COX4I1: variants seen among roughly 807,000 people sequenced by gnomAD.
COX4I1 encodes the protein cytochrome c oxidase subunit 4 isoform 1, mitochondrial.
COX4I1 carries 18 observed loss-of-function variants against 21.7 expected under a neutral mutation model. The ratio of observed to expected loss-of-function variants is 0.83; its 90% CI spans 0.57 to 1.23. COX4I1 has a LOEUF of 1.23. Among genes scored for constraint, COX4I1 ranks in the 50% most tolerant of loss-of-function variants. The pLI is 0.00. For missense variants in COX4I1, 238 were observed against 220.7 expected (o/e 1.08, Z -0.50); for synonymous variants, 100 against 81.5 (o/e 1.23, Z -1.23).
rs571211362 is a variant in COX4I1 at position 85,806,400 on chromosome 16, T to G, written c.374-338T>G. On this transcript the variant is annotated intron_variant, in intron 4 of 4. Coordinates refer to ENST00000253452, the MANE Select transcript of COX4I1 (RefSeq NM_001861.6). ...TCTGAATAGGTATATTCTCGTACTT[T>G]TGGTTTGAATGTGGATGTGGGTTAA... The G allele has an allele frequency of 1.7e-4, 112 of 669,800 alleles. 1 individual carries two copies. The highest frequency in any genetic ancestry group is 1.6e-3 in the South Asian group (102 of 65,164). The allele number at this position is 669,800 out of a possible 1,614,324, so 41.5% of individuals were successfully genotyped here.
chr16:85,802,867 T>C (rs1905880502), intron 2 of COX4I1, among the ~76,000 whole-genome samples: 1 of 152,212 alleles, frequency 6.6e-6, no homozygotes, highest in Admixed American at 6.5e-5. Flanking sequence ...GAAGATGCAA[T>C]TTTGAGGTTT....
At chr16:85,802,589 G>A (rs1290785833) in intron 2 of COX4I1, among the ~76,000 whole-genome samples, 5 of 152,194 alleles carry the variant, frequency 3.3e-5, no homozygotes, top group African/African-American at 7.2e-5. Context: ...ACCATCAGCC[G>A]TCACTGAAGT....
At chr16:85,806,618 T>C in intron 4 of COX4I1, 120 bp from the exon 5 acceptor site, 1 of 1,427,040 alleles carries the variant, frequency 7.0e-7, no homozygotes, top group Admixed American at 1.7e-5. Flanking sequence ...GGGTGTTGAG[T>C]GGCAGGTGGC....
chr16:85,805,264 G>A (rs1906101651), intron 3 of COX4I1, 160 bp downstream of exon 3: 13 of 663,874 alleles, frequency 2.0e-5, no homozygotes, highest in Non-Finnish European at 3.0e-5. Context: ...CCCAGTTTAT[G>A]TGCTCACCAG....
chr16:85,804,792 CTGTTTA>C, intron 2 of COX4I1, 139 bp from the exon 3 acceptor site: 2 of 679,128 alleles, frequency 2.9e-6, no homozygotes, highest in Non-Finnish European at 4.8e-6. Context: ...ACTCCTGCAA[CTGTTTA>C]AACAGTGGCT....
Position 85,805,721 on chromosome 16 carries a change from C to T in COX4I1, c.242-12C>T, listed in dbSNP as rs1250476321. On this transcript the variant is annotated splice_polypyrimidine_tract_variant and intron_variant, in intron 3 of 4. Coordinates refer to ENST00000253452, the MANE Select transcript of COX4I1 (RefSeq NM_001861.6). ...CTTTGTGCCTGTAAATGGCTGTCCT[C>T]TCTGCCCCCAGTGTATCGCATTAAG... is the stretch of plus-strand genomic sequence containing the variant. The T allele has an allele frequency of 1.9e-6, 3 of 1,613,960 alleles. No individual in the cohort carries two copies. The African/African-American group carries it at 4.0e-5, about 22-fold the overall frequency.
intron 1 of COX4I1, among the ~76,000 whole-genome samples, chr16:85,800,830 G>A (rs775677577): frequency 2.0e-5 from 3 of 152,104 alleles, no homozygotes; most frequent in East Asian, 1.9e-4. Flanking sequence ...CACCATGTTG[G>A]CCAGGCTGGT....
chr16:85,805,668 G>T, intron 3 of COX4I1, 65 bp from the exon 4 acceptor site: 2 of 1,600,328 alleles, frequency 1.2e-6, no homozygotes, highest in South Asian at 2.2e-5. Flanking sequence ...AGAAGTGGTT[G>T]AATGTTGCAG....
Position 85,799,778 on chromosome 16 carries a change from C to T in COX4I1, c.-2+26C>T. On this transcript the variant is annotated intron_variant, in intron 1 of 4. Transcript: ENST00000253452. This position sits in a 1 kb window ranked among gnomAD's most constrained non-coding sequence, Gnocchi z 4.2. ...GTGAGACAGGAGGTGGCCGGTGCGG[C>T]GCCGCCAGGCCGGGCCGGGTCGGGG... is the stretch of plus-strand genomic sequence containing the variant. 1 of 153,768 alleles carries T rather than the reference C, an allele frequency of 6.5e-6. No homozygotes were observed. Among genetic ancestry groups the T allele is most frequent in the Non-Finnish European group, 1.4e-5 (1 of 69,308 alleles). The allele number at this position is 153,768 out of a possible 1,614,324, so 9.5% of individuals were successfully genotyped here.
At chr16:85,801,495 C>G (rs1489258084) in intron 2 of COX4I1, among the ~76,000 whole-genome samples, 1 of 152,018 alleles carries the variant, frequency 6.6e-6, no homozygotes, top group Non-Finnish European at 1.5e-5. Flanking sequence ...CTGATACTTC[C>G]CCACTTACCC....
chr16:85,800,226 C>T (rs1032414486), intron 1 of COX4I1, among the ~76,000 whole-genome samples: 8 of 152,284 alleles, frequency 5.3e-5, no homozygotes, highest in African/African-American at 1.7e-4. Context: ...CGCGGGCGTT[C>T]AGCCCTGACG....
intron 2 of COX4I1, chr16:85,804,509 G>A (rs2733963): frequency 0.98 from 152,902 of 156,760 alleles, 74,677 homozygotes; most frequent in Middle Eastern, 1. Context: ...GGCACGTGCC[G>A]CCACGCCCGG....
At position 85,806,898 on chromosome 16, in the gene COX4I1, C is replaced by T; in HGVS notation, c.*24C>T. ...GAGAGATGCTGGCCTGCGCCTGCAC[C>T]TGCGCCTGGCTCTGTCACCGCCATG... is the stretch of plus-strand genomic sequence containing the variant. On this transcript the variant is annotated 3_prime_UTR_variant, in exon 5 of 5. Transcript: ENST00000253452. 1 of 1,600,214 alleles carries T rather than the reference C, an allele frequency of 6.2e-7. No individual in the cohort carries two copies. The highest frequency in any genetic ancestry group is 8.5e-7 in the Non-Finnish European group (1 of 1,172,020).
chr16:85,805,303 T>C, intron 3 of COX4I1, 199 bp downstream of exon 3: 1 of 581,102 alleles, frequency 1.7e-6, no homozygotes. Context: ...TGACAGGATC[T>C]TTTGCTAGGC....
At chr16:85,802,198 G>A (rs1011438828) in intron 2 of COX4I1, among the ~76,000 whole-genome samples, 1 of 152,160 alleles carries the variant, frequency 6.6e-6, no homozygotes, top group African/African-American at 2.4e-5. Flanking sequence ...CTCCCGTAGA[G>A]CCCCGAGTTG....
In COX4I1 at chr16:85,799,916, G is replaced by A. The variant is rs936088824; in HGVS notation, c.-2+164G>A. 1 of 152,232 alleles carries A rather than the reference G, an allele frequency of 6.6e-6. No homozygotes were observed. The highest frequency in any genetic ancestry group is 1.9e-4 in the East Asian group (1 of 5,170). The allele number at this position is 152,232 out of a possible 1,614,324, so 9.4% of individuals were successfully genotyped here. A position where few individuals can be genotyped will look rare whatever the true frequency, so the allele number is the denominator to read the frequency against. ...TTGAGGCCGGCCCGTGGGGACTCCG[G>A]GCTCGGTGGCTCCAGGCTCGGGGGG... On this transcript the variant is annotated intron_variant, in intron 1 of 4. Coordinates refer to ENST00000253452, the MANE Select transcript of COX4I1 (RefSeq NM_001861.6). This position sits in a 1 kb window ranked among gnomAD's most constrained non-coding sequence, Gnocchi z 4.2.
Position 85,805,108 on chromosome 16 carries a change from G to C in COX4I1, c.241+4G>C. The C allele has an allele frequency of 6.2e-7, 1 of 1,607,976 alleles. No homozygotes were observed. Among genetic ancestry groups the C allele is most frequent in the Admixed American group, 1.7e-5 (1 of 58,468 alleles). ...TCCATGGATGAGAAAGTCGAGTGTG[G>C]GTATTGAAGGGACCCACAGGCGCGC... On this transcript the variant is annotated splice_donor_region_variant and intron_variant, in intron 3 of 4. Transcript: ENST00000253452.
rs1457762524 is a variant in COX4I1 at position 85,799,941 on chromosome 16, G to C, written c.-2+189G>C. On this transcript the variant is annotated intron_variant, in intron 1 of 4. Transcript: ENST00000253452. This position sits in a 1 kb window ranked among gnomAD's most constrained non-coding sequence, Gnocchi z 4.2. ...GGCTCGGTGGCTCCAGGCTCGGGGGGCCGCCCCGAAGTGCCCGGTCCATCT... is the reference window on the plus strand; with the variant it reads ...GGCTCGGTGGCTCCAGGCTCGGGGGCCCGCCCCGAAGTGCCCGGTCCATCT... 6.6e-6 allele frequency: 1 copy of C among 152,336 alleles called. No homozygotes were observed. The highest frequency in any genetic ancestry group is 2.4e-5 in the African/African-American group (1 of 41,584). 9.4% of individuals were successfully genotyped at this position (152,336 alleles called of 1,614,324 possible).
In COX4I1 at chr16:85,806,726, C is replaced by G. The variant is rs1392237578; in HGVS notation, c.374-12C>G. ...GAGATAGTCTTGCCCCATAACCTGT[C>G]TCACACCGTAGTGTACGGCCCCCTC... On this transcript the variant is annotated splice_polypyrimidine_tract_variant and intron_variant, in intron 4 of 4. Coordinates refer to ENST00000253452, the MANE Select transcript of COX4I1 (RefSeq NM_001861.6). The G allele has an allele frequency of 1.1e-5, 18 of 1,613,866 alleles. No homozygotes were observed. Among genetic ancestry groups the G allele is most frequent in the Non-Finnish European group, 1.5e-5 (18 of 1,179,938 alleles).
Sources: allele counts gnomAD v4.1 joint callset (sites outside exome capture counted in the v4.1 genomes callset), GRCh38; gene constraint gnomAD v4.1.1; non-coding constraint Gnocchi (gnomAD v3.1); transcripts MANE v1.5; gene names NCBI Gene and HGNC (gene_info 2026-07-23, HGNC 2026-07-21).